Variants in HS6ST2 observed in about 807,000 individuals in gnomAD.
The protein encoded by HS6ST2 is heparan-sulfate 6-O-sulfotransferase 2.
HS6ST2 carries 17 observed loss-of-function variants against 33.0 expected under a neutral mutation model. That is an observed-to-expected ratio of 0.52 (90% confidence interval 0.35 to 0.77). HS6ST2 has a LOEUF of 0.77. Ranked by LOEUF, HS6ST2 falls within the 30% of genes least tolerant of loss-of-function variation. HS6ST2 has a pLI of 0.01. For synonymous variants in HS6ST2, 248 were observed against 237.1 expected (o/e 1.05, Z -0.42); for missense variants, 519 against 551.7 (o/e 0.94, Z 0.59).
intron 2 of HS6ST2, among the ~76,000 whole-genome samples, chrX:132,746,267 C>T (rs2064641352): frequency 9.0e-6 from 1 of 111,337 alleles, no homozygotes; most frequent in South Asian, 3.8e-4. Flanking sequence ...CTTTGGGAGG[C>T]TGAGGCAGGC....
At chrX:132,761,437 G>A (rs185997567) in intron 2 of HS6ST2, among the ~76,000 whole-genome samples, 9 of 111,189 alleles carry the variant, frequency 8.1e-5, no homozygotes, top group South Asian at 4.0e-4. Context: ...AGCAGGGGGC[G>A]AGCCAGCACC....
intron 3 of HS6ST2, among the ~76,000 whole-genome samples, chrX:132,686,487 C>T (rs1219422999): frequency 1.8e-5 from 2 of 111,421 alleles, no homozygotes; most frequent in Non-Finnish European, 3.8e-5. Context: ...GAAAAAGTAT[C>T]TCATTAGGGA....
intron 2 of HS6ST2, among the ~76,000 whole-genome samples, chrX:132,894,777 C>T (rs1408261406): frequency 9.0e-6 from 1 of 111,269 alleles, no homozygotes; most frequent in East Asian, 2.8e-4. Context: ...CTCAAGTGAT[C>T]CACCAGCCTC....
intron 3 of HS6ST2, among the ~76,000 whole-genome samples, chrX:132,672,723 A>C (rs1457920652): frequency 1.8e-5 from 2 of 112,416 alleles, no homozygotes; most frequent in East Asian, 5.6e-4. Flanking sequence ...GCACTACAAA[A>C]GTGAAAAAAC....
chrX:132,952,955 C>G (rs1348948022), intron 2 of HS6ST2, among the ~76,000 whole-genome samples: 1 of 111,788 alleles, frequency 8.9e-6, no homozygotes, highest in South Asian at 3.8e-4. Context: ...TAGGGTACAA[C>G]ATGAATATGA....
intron 2 of HS6ST2, among the ~76,000 whole-genome samples, chrX:132,840,024 G>C (rs1195738159): frequency 9.0e-6 from 1 of 110,797 alleles, no homozygotes; most frequent in Non-Finnish European, 1.9e-5. Flanking sequence ...AGCTGAGCAG[G>C]AGAATCACTT....
At chrX:132,802,680 G>C (rs368694729) in intron 2 of HS6ST2, among the ~76,000 whole-genome samples, 7 of 110,326 alleles carry the variant, frequency 6.3e-5, no homozygotes, top group African/African-American at 2.0e-4. Context: ...AGGGCACCAG[G>C]AATGCACCTT....
At chrX:132,716,823 C>T (rs1159496074) in intron 2 of HS6ST2, among the ~76,000 whole-genome samples, 2 of 111,793 alleles carry the variant, frequency 1.8e-5, no homozygotes, top group African/African-American at 6.5e-5. Context: ...TGTTTCAGAT[C>T]GTTGGGTCTG....
At chrX:132,723,592 C>T (rs948083523) in intron 2 of HS6ST2, among the ~76,000 whole-genome samples, 10 of 111,716 alleles carry the variant, frequency 9.0e-5, no homozygotes, top group Non-Finnish European at 1.3e-4. Context: ...TTTCAATTAA[C>T]GCTGAAAACA....
intron 2 of HS6ST2, among the ~76,000 whole-genome samples, chrX:132,894,004 C>G (rs1242250519): frequency 9.0e-6 from 1 of 110,691 alleles, no homozygotes; most frequent in East Asian, 2.8e-4. Flanking sequence ...TGGGACTGTT[C>G]AAATACACTT....
chrX:132,864,189 C>A (rs2065943997), intron 2 of HS6ST2, among the ~76,000 whole-genome samples: 1 of 109,955 alleles, frequency 9.1e-6, no homozygotes, highest in African/African-American at 3.3e-5. Flanking sequence ...CAGCACGCCT[C>A]TTCACCTCCA....
At chrX:132,713,376 G>T (rs1463534360) in intron 2 of HS6ST2, among the ~76,000 whole-genome samples, 1 of 111,854 alleles carries the variant, frequency 8.9e-6, no homozygotes, top group African/African-American at 3.3e-5. Flanking sequence ...TAGAGGCATA[G>T]TGAGTCTGCG....
upstream of HS6ST2, among the ~76,000 whole-genome samples, chrX:132,960,216 C>G (rs1277957436): frequency 9.0e-6 from 1 of 111,442 alleles, no homozygotes; most frequent in African/African-American, 3.3e-5. Context: ...CCTGCTCCCC[C>G]TGAGGGCAGC....
At chrX:132,643,996 C>T (rs2063622034) in intron 4 of HS6ST2, among the ~76,000 whole-genome samples, 1 of 111,904 alleles carries the variant, frequency 8.9e-6, no homozygotes, top group Non-Finnish European at 1.9e-5. Context: ...TGGAATTGAG[C>T]TTAATTCTCA....
At chrX:132,825,872 T>C (rs2065513082) in intron 2 of HS6ST2, among the ~76,000 whole-genome samples, 2 of 112,140 alleles carry the variant, frequency 1.8e-5, no homozygotes, top group Admixed American at 1.9e-4. Flanking sequence ...TAATCTACTC[T>C]CTGTGTCACA....
intron 4 of HS6ST2, among the ~76,000 whole-genome samples, chrX:132,661,531 G>A (rs1315794959): frequency 9.0e-6 from 1 of 111,617 alleles, no homozygotes; most frequent in Non-Finnish European, 1.9e-5. Context: ...AAACACTGAT[G>A]AGTGAAATTT....
chrX:132,847,584 GT>G (rs946223852), intron 2 of HS6ST2, among the ~76,000 whole-genome samples: 1 of 111,734 alleles, frequency 8.9e-6, no homozygotes, highest in African/African-American at 3.3e-5. Context: ...CTGAATCAAA[GT>G]TAAGTATAAA....
At chrX:132,653,154 A>G (rs1489880866) in intron 4 of HS6ST2, among the ~76,000 whole-genome samples, 1 of 111,635 alleles carries the variant, frequency 9.0e-6, no homozygotes, top group Non-Finnish European at 1.9e-5. Flanking sequence ...GAAGTTTGGC[A>G]ATGGTGAAGT....
chrX:132,635,527 T>G (rs1007071504), intron 4 of HS6ST2, among the ~76,000 whole-genome samples: 1 of 111,644 alleles, frequency 9.0e-6, no homozygotes, highest in African/African-American at 3.3e-5. Context: ...CCACCTTTCT[T>G]TCTGTCCAGC....
Sources: allele counts gnomAD v4.1 joint callset (sites outside exome capture counted in the v4.1 genomes callset), GRCh38; gene constraint gnomAD v4.1.1; transcripts MANE v1.5; gene names NCBI Gene and HGNC (gene_info 2026-07-23, HGNC 2026-07-21).